HDGFL3: variants seen among roughly 807,000 people sequenced by gnomAD.
HDGFL3 encodes hepatoma-derived growth factor-related protein 3.
In HDGFL3, 6 loss-of-function variants were observed where a neutral mutation model predicts 27.6. The observed-to-expected ratio is 0.22, with a 90% CI of 0.12 to 0.43. The LOEUF (loss-of-function observed/expected upper bound fraction) is 0.43. Among genes scored for constraint, HDGFL3 ranks in the 20% least tolerant of loss-of-function variants. The probability of loss-of-function intolerance (pLI) is 1.00; values close to 1 mark genes in which losing one functional copy is unlikely to be tolerated. For synonymous variants in HDGFL3, 88 were observed against 88.9 expected (o/e 0.99, Z 0.05); for missense variants, 207 against 250.1 (o/e 0.83, Z 1.16).
At chr15:83,206,739 G>A (rs1358301514) in intron 1 of HDGFL3, among the ~76,000 whole-genome samples, 3 of 152,228 alleles carry the variant, frequency 2.0e-5, no homozygotes, top group Non-Finnish European at 2.9e-5. Flanking sequence ...GCACCAGAGA[G>A]GCACGTACCC....
chr15:83,194,750 A>G (rs139777538), intron 1 of HDGFL3, among the ~76,000 whole-genome samples: 107 of 152,248 alleles, frequency 7.0e-4, no homozygotes, highest in Non-Finnish European at 1.3e-3. Context: ...TGCAGACGGC[A>G]ATGAATTTTA....
chr15:83,128,370 C>T lies in HDGFL3; in HGVS notation c.*10900G>A, dbSNP rs2151378141. ...AATTATAAAATTAGCATAGTAGTAT[C>T]GAAAAAGTTGATGTAGCATCCAGAA... is the stretch of plus-strand genomic sequence containing the variant. On this transcript the variant is annotated 3_prime_UTR_variant, in exon 6 of 6. Coordinates refer to ENST00000299633, the MANE Select transcript of HDGFL3 (RefSeq NM_016073.4). 6.6e-6 allele frequency: 1 copy of T among 152,206 alleles called. No individual in the cohort carries two copies. Among genetic ancestry groups the T allele is most frequent in the East Asian group, 1.9e-4 (1 of 5,178 alleles). The allele number at this position is 152,206 out of a possible 1,614,324, so 9.4% of individuals were successfully genotyped here. A position where few individuals can be genotyped will look rare whatever the true frequency, so the allele number is the denominator to read the frequency against.
intron 1 of HDGFL3, among the ~76,000 whole-genome samples, chr15:83,193,021 C>T (rs1185135076): frequency 6.6e-6 from 1 of 152,192 alleles, no homozygotes; most frequent in East Asian, 1.9e-4. Context: ...TACTTCATTG[C>T]TCCTGCCTTT....
intron 1 of HDGFL3, among the ~76,000 whole-genome samples, chr15:83,199,804 A>G (rs2037616717): frequency 6.6e-6 from 1 of 151,936 alleles, no homozygotes; most frequent in African/African-American, 2.4e-5. Context: ...GCACTTTGGG[A>G]GGCCGAGGCG....
At chr15:83,171,353 T>C (rs1285030775) in intron 1 of HDGFL3, among the ~76,000 whole-genome samples, 1 of 152,192 alleles carries the variant, frequency 6.6e-6, no homozygotes, top group Non-Finnish European at 1.5e-5. Flanking sequence ...AAAGAACTTA[T>C]GAATAGAACT....
intron 1 of HDGFL3, among the ~76,000 whole-genome samples, chr15:83,185,308 TAAG>T (rs1241640041): frequency 6.6e-6 from 1 of 152,138 alleles, no homozygotes. Flanking sequence ...CTAGAAGCTT[TAAG>T]AAGACTGCTT....
exon 4 of HDGFL3, chr15:83,113,411 T>C (rs1783041153): frequency 6.5e-6 from 1 of 154,896 alleles, no homozygotes; most frequent in African/African-American, 2.4e-5. Context: ...CACTTGAAAG[T>C]GAAGCAGCTG....
chr15:83,185,453 C>T (rs1172196623), intron 1 of HDGFL3, among the ~76,000 whole-genome samples: 2 of 152,190 alleles, frequency 1.3e-5, no homozygotes, highest in Non-Finnish European at 2.9e-5. Flanking sequence ...TGGGTGACTG[C>T]ACTGGGATTG....
At chr15:83,140,575 C>A (rs1228896356) in intron 5 of HDGFL3, among the ~76,000 whole-genome samples, 1 of 151,516 alleles carries the variant, frequency 6.6e-6, no homozygotes, top group African/African-American at 2.4e-5. Flanking sequence ...TCCACCTCCC[C>A]GGTTCAAGTG....
chr15:83,206,735 G>A (rs2037721893), intron 1 of HDGFL3, among the ~76,000 whole-genome samples: 1 of 152,232 alleles, frequency 6.6e-6, no homozygotes, highest in Admixed American at 6.5e-5. Context: ...ATGGGCACCA[G>A]AGAGGCACGT....
intron 1 of HDGFL3, among the ~76,000 whole-genome samples, chr15:83,194,658 AG>A (rs2151421093): frequency 6.6e-6 from 1 of 152,232 alleles, no homozygotes; most frequent in South Asian, 2.1e-4. Flanking sequence ...AAATAAATTC[AG>A]GGTTTCTGCC....
At chr15:83,118,466 G>A (rs1411442035) in intron 3 of HDGFL3, among the ~76,000 whole-genome samples, 5 of 152,186 alleles carry the variant, frequency 3.3e-5, no homozygotes, top group Admixed American at 6.5e-5. Flanking sequence ...ACCATAAATC[G>A]GATGTATTCT....
At chr15:83,118,230 TACACACACACACACACACACACACAC>T (rs72160704) in intron 3 of HDGFL3, among the ~76,000 whole-genome samples, 2 of 146,350 alleles carry the variant, frequency 1.4e-5, no homozygotes, top group Non-Finnish European at 3.0e-5. Context: ...TCTCTGTACG[TACACACACACACACACACACACACAC>T]ACACACACAT....
intron 3 of HDGFL3, chr15:83,119,763 C>T: frequency 6.3e-7 from 1 of 1,590,710 alleles, no homozygotes; most frequent in Non-Finnish European, 8.6e-7. Flanking sequence ...TGCATAGAGG[C>T]AAATACACAA....
At chr15:83,171,883 T>G (rs539361499) in intron 1 of HDGFL3, among the ~76,000 whole-genome samples, 9 of 152,288 alleles carry the variant, frequency 5.9e-5, no homozygotes, top group Admixed American at 4.6e-4. Context: ...AAAATAAAAG[T>G]TGAAAATAAA....
rs2036283894 is a variant in HDGFL3, at chr15:83,131,954, T to C, written c.*7316A>G. 6.6e-6 allele frequency: 1 copy of C among 152,078 alleles called. No individual in the cohort carries two copies. The highest frequency in any genetic ancestry group is 2.1e-4 in the South Asian group (1 of 4,820). The allele number at this position is 152,078 out of a possible 1,614,324, so 9.4% of individuals were successfully genotyped here. The stretch of plus-strand genomic sequence containing the variant: ...TTCTCTGCTAAAATATCAATGAAAA[T>C]GAAAAAAAGCCAAAGCCAGTAGAGT... On this transcript the variant is annotated 3_prime_UTR_variant, in exon 6 of 6. Coordinates refer to ENST00000299633, the MANE Select transcript of HDGFL3 (RefSeq NM_016073.4).
intron 2 of HDGFL3, among the ~76,000 whole-genome samples, chr15:83,160,146 A>G (rs2037080421): frequency 6.6e-6 from 1 of 152,028 alleles, no homozygotes; most frequent in African/African-American, 2.4e-5. Context: ...TGGGCTGCAT[A>G]TGGCATATGT....
chr15:83,113,082 C>T (rs1028772418), exon 4 of HDGFL3: 9 of 604,262 alleles, frequency 1.5e-5, no homozygotes, highest in South Asian at 3.9e-5. Context: ...AGGCAGTGGA[C>T]TCCACCCTCT....
chr15:83,125,480 C>T (rs1213998869), downstream of HDGFL3, among the ~76,000 whole-genome samples: 2 of 152,314 alleles, frequency 1.3e-5, no homozygotes, highest in South Asian at 2.1e-4. Flanking sequence ...TAAAATAACA[C>T]TACCTACCTT....
Sources: gnomAD v4.1 joint callset for allele counts (sites outside exome capture counted in the v4.1 genomes callset) on GRCh38, gnomAD v4.1.1 for gene constraint, MANE v1.5 for transcripts, NCBI Gene and HGNC (gene_info 2026-07-23, HGNC 2026-07-21) for gene names.